GRHL2: variants seen among roughly 807,000 people sequenced by gnomAD.
GRHL2 encodes the protein grainyhead like transcription factor 2.
Under a neutral mutation model 83.8 loss-of-function variants are expected in GRHL2, and 21 were observed. The ratio of observed to expected loss-of-function variants is 0.25; its 90% CI spans 0.18 to 0.36. The LOEUF (loss-of-function observed/expected upper bound fraction) is 0.36, where lower values mean the gene tolerates loss of function less well. Ranked by LOEUF, GRHL2 falls within the 10% of genes least tolerant of loss-of-function variation. The pLI is 1.00. For synonymous variants in GRHL2, 280 were observed against 278.9 expected, an observed-to-expected ratio of 1.00 and a Z score of -0.04; for missense variants, 623 against 781.8, an observed-to-expected ratio of 0.80 and a Z score of 2.42.
At chr8:101,645,378 G>A (rs1246205255) in intron 13 of GRHL2, among the ~76,000 whole-genome samples, 3 of 152,086 alleles carry the variant, frequency 2.0e-5, no homozygotes, top group Non-Finnish European at 2.9e-5. Flanking sequence ...TGATCCGGCC[G>A]CCTTGGCCTC....
At chr8:101,505,008 C>A (rs1423719401) in intron 1 of GRHL2, among the ~76,000 whole-genome samples, 2 of 146,106 alleles carry the variant, frequency 1.4e-5, no homozygotes, top group Admixed American at 6.8e-5. Flanking sequence ...GCTAAAAATA[C>A]AACAACAAAA....
At chr8:101,658,374 A>T (rs1338579869) in intron 14 of GRHL2, among the ~76,000 whole-genome samples, 1 of 152,168 alleles carries the variant, frequency 6.6e-6, no homozygotes, top group Non-Finnish European at 1.5e-5. Context: ...TTACTAGCTG[A>T]GGGATCCTGG....
At chr8:101,493,643 C>T (rs1019322528) in intron 1 of GRHL2, among the ~76,000 whole-genome samples, 6 of 152,112 alleles carry the variant, frequency 3.9e-5, no homozygotes, top group Non-Finnish European at 7.4e-5. Flanking sequence ...GCCCTCCACG[C>T]AGTTGGCCGC....
At chr8:101,605,920 G>C (rs1340022962) in intron 8 of GRHL2, among the ~76,000 whole-genome samples, 1 of 151,940 alleles carries the variant, frequency 6.6e-6, no homozygotes, top group Non-Finnish European at 1.5e-5. Flanking sequence ...TCCTTTCCCT[G>C]GCATCCTGAA....
At position 101,619,731 on chromosome 8, in the gene GRHL2, C is replaced by CT. The variant is rs778181502; in HGVS notation, c.1257+40dup. 34 of 1,527,576 alleles carry CT rather than the reference C, an allele frequency of 2.2e-5. 1 individual carries two copies. The Middle Eastern group carries it at 5.1e-4, about 23-fold the overall frequency. 94.6% of individuals were successfully genotyped at this position (1,527,576 alleles called of 1,614,324 possible). ...AGATGACAGTTTTTTATAAAGGTAT[C>CT]TTTTTTATTAGATATTACTTTTAAT... On this transcript the variant is annotated intron_variant, in intron 9 of 15. Coordinates refer to ENST00000646743, the MANE Select transcript of GRHL2 (RefSeq NM_024915.4).
chr8:101,558,490 C>A lies in GRHL2; in HGVS notation c.356C>A (p.Thr119Asn). 6.2e-7 allele frequency: 1 copy of A among 1,614,166 alleles called. No individual in the cohort carries two copies. Among genetic ancestry groups the A allele is most frequent in the Admixed American group, 1.7e-5 (1 of 60,022 alleles). ...GAAAACCGAGTGCAAGTCCTAAAGA[C>A]TGTTCCAGTGAACCTTTCCCTAAAT... ...GGENRVQVLK[T>N]VPVNLSLNQD... The change falls in exon 4 of 16, where the codon ACT becomes AAT. Residue 119 changes from threonine (T) to asparagine (N), a missense_variant. Coordinates refer to ENST00000646743, the MANE Select transcript of GRHL2 (RefSeq NM_024915.4).
intron 7 of GRHL2, among the ~76,000 whole-genome samples, chr8:101,590,468 G>A (rs896890390): frequency 1.3e-5 from 2 of 152,172 alleles, no homozygotes; most frequent in Non-Finnish European, 2.9e-5. Context: ...GGATGTTTGA[G>A]GACAGATGGG....
intron 7 of GRHL2, among the ~76,000 whole-genome samples, chr8:101,589,762 A>T (rs1296502966): frequency 6.6e-6 from 1 of 152,204 alleles, no homozygotes; most frequent in East Asian, 1.9e-4. Context: ...ACTAATAATT[A>T]TGCCTTTAAT....
the GRHL2 span, among the ~76,000 whole-genome samples, chr8:101,676,023 C>A: frequency 1.3e-4 from 20 of 152,266 alleles, no homozygotes; most frequent in South Asian, 4.2e-3. Context: ...AAAGCTGAAA[C>A]TGGATCCCTT....
At chr8:101,623,657 TCACAGTA>T (rs1813009329) in intron 9 of GRHL2, among the ~76,000 whole-genome samples, 2 of 138,718 alleles carry the variant, frequency 1.4e-5, no homozygotes, top group African/African-American at 5.3e-5. Flanking sequence ...GTAAGACAGT[TCACAGTA>T]CACAGTAGGA....
chr8:101,643,508 C>A (rs988041268), intron 12 of GRHL2, among the ~76,000 whole-genome samples: 1 of 152,076 alleles, frequency 6.6e-6, no homozygotes, highest in Admixed American at 6.5e-5. Flanking sequence ...CTCAGCACCG[C>A]AGGCTTCTGG....
intron 14 of GRHL2, among the ~76,000 whole-genome samples, chr8:101,654,969 G>T (rs1432905016): frequency 6.6e-6 from 1 of 152,154 alleles, no homozygotes; most frequent in African/African-American, 2.4e-5. Context: ...GATCACCTGA[G>T]GTCGGGAGTT....
intron 1 of GRHL2, among the ~76,000 whole-genome samples, chr8:101,515,176 G>GCGCACACACACA (rs1554582181): frequency 6.9e-6 from 1 of 144,444 alleles, no homozygotes; most frequent in Non-Finnish European, 1.5e-5. Flanking sequence ...CTGTCTCTCT[G>GCGCACACACACA]CACACACACA....
intron 13 of GRHL2, among the ~76,000 whole-genome samples, chr8:101,646,961 C>T (rs1813522956): frequency 6.6e-6 from 1 of 152,176 alleles, no homozygotes; most frequent in Non-Finnish European, 1.5e-5. Flanking sequence ...ACTCCAAGGC[C>T]CATCAACGCG....
At chr8:101,553,793 A>C (rs1352881211) in intron 3 of GRHL2, among the ~76,000 whole-genome samples, 1 of 151,798 alleles carries the variant, frequency 6.6e-6, no homozygotes, top group African/African-American at 2.4e-5. Flanking sequence ...ATGCCAGGCT[A>C]ATTTTTTGTA....
chr8:101,615,602 C>A (rs947841672), intron 8 of GRHL2, among the ~76,000 whole-genome samples: 1 of 152,176 alleles, frequency 6.6e-6, no homozygotes, highest in Non-Finnish European at 1.5e-5. Context: ...GCATAGCTCA[C>A]CAGAGTGATC....
intron 1 of GRHL2, among the ~76,000 whole-genome samples, chr8:101,542,010 T>C (rs1453205506): frequency 6.6e-6 from 1 of 152,174 alleles, no homozygotes; most frequent in Admixed American, 6.5e-5. Context: ...TACAATAGAG[T>C]CCGTCTCATT....
intron 2 of GRHL2, among the ~76,000 whole-genome samples, chr8:101,545,052 C>T (rs939138569): frequency 3.9e-5 from 6 of 152,116 alleles, no homozygotes; most frequent in South Asian, 2.1e-4. Flanking sequence ...GAAAACAAAG[C>T]GAGGCTTTAT....
chr8:101,582,783 G>A (rs1321804883), intron 7 of GRHL2, among the ~76,000 whole-genome samples: 3 of 152,278 alleles, frequency 2.0e-5, no homozygotes, highest in Non-Finnish European at 4.4e-5. Context: ...GCTCTTTGTT[G>A]CTTTAACAGT....
Sources: allele counts gnomAD v4.1 joint callset (sites outside exome capture counted in the v4.1 genomes callset), GRCh38; gene constraint gnomAD v4.1.1; transcripts MANE v1.5; gene names NCBI Gene and HGNC (gene_info 2026-07-23, HGNC 2026-07-21).